MED27: variants seen among roughly 807,000 people sequenced by gnomAD.
The protein encoded by MED27 is mediator of RNA polymerase II transcription subunit 27.
A neutral mutation model predicts 38.2 loss-of-function variants in MED27; 30 were observed. The ratio of observed to expected loss-of-function variants is 0.79; its 90% confidence interval spans 0.59 to 1.07. The LOEUF (loss-of-function observed/expected upper bound fraction) is 1.07. Among genes scored for constraint, MED27 ranks in the 50% least tolerant of loss-of-function variants. The pLI is 0.00. For missense variants in MED27, 289 were observed against 397.5 expected, an observed-to-expected ratio of 0.73 and a Z score of 2.32; for synonymous variants, 122 against 153.5, an observed-to-expected ratio of 0.79 and a Z score of 1.52.
intron 3 of MED27, among the ~76,000 whole-genome samples, chr9:131,973,132 G>T (rs569853131): frequency 6.6e-6 from 1 of 152,304 alleles, no homozygotes; most frequent in Non-Finnish European, 1.5e-5. Flanking sequence ...AAACTTTCTA[G>T]TACACTTTTT....
chr9:132,050,058 A>G (rs939444903), intron 2 of MED27, among the ~76,000 whole-genome samples: 2 of 152,270 alleles, frequency 1.3e-5, no homozygotes, highest in African/African-American at 2.4e-5. Context: ...CCAACTCAAC[A>G]AATATCAGGG....
chr9:132,074,129 G>A (rs925699464), intron 2 of MED27, among the ~76,000 whole-genome samples: 2 of 152,172 alleles, frequency 1.3e-5, no homozygotes, highest in African/African-American at 2.4e-5. Flanking sequence ...AAGAAAGCTT[G>A]TCATCCTTCT....
chr9:132,044,524 C>T (rs1166565504), intron 2 of MED27, among the ~76,000 whole-genome samples: 1 of 152,208 alleles, frequency 6.6e-6, no homozygotes, highest in Admixed American at 6.5e-5. Context: ...AAGGTGAAGA[C>T]GAGGCCGACT....
intron 3 of MED27, among the ~76,000 whole-genome samples, chr9:131,966,199 T>A (rs373446018): frequency 0.029 from 2,759 of 96,334 alleles, 57 homozygotes; most frequent in African/African-American, 0.057. Context: ...CCTGTTTCTT[T>A]AAAAAAAAAA....
intron 5 of MED27, 33 bp from the exon 6 acceptor site, chr9:131,884,132 C>T (rs1183352895): frequency 5.7e-6 from 9 of 1,572,818 alleles, no homozygotes; most frequent in Admixed American, 1.9e-5. Context: ...TCATCAGCAT[C>T]GGTCTTAGAA....
intron 5 of MED27, among the ~76,000 whole-genome samples, chr9:131,893,525 C>T (rs34981423): frequency 0.014 from 2,107 of 152,180 alleles, 46 homozygotes; most frequent in African/African-American, 0.046. Context: ...GAATTTTCCT[C>T]GTGGTTCTAG....
At chr9:132,071,702 C>G (rs527700528) in intron 2 of MED27, among the ~76,000 whole-genome samples, 1 of 151,802 alleles carries the variant, frequency 6.6e-6, no homozygotes, top group African/African-American at 2.4e-5. Context: ...GAGTAACACG[C>G]GTCCATGAAC....
chr9:132,005,189 A>G (rs748610602), intron 3 of MED27, among the ~76,000 whole-genome samples: 6 of 152,228 alleles, frequency 3.9e-5, no homozygotes, highest in Non-Finnish European at 8.8e-5. Flanking sequence ...GACGCCTCAG[A>G]TGAGAAACTC....
Position 131,935,398 on chromosome 9 carries a change from C to T in MED27, c.573+3983G>A, listed in dbSNP as rs144668971. 2.6e-3 allele frequency among the ~76,000 whole-genome samples: 399 copies of T among 152,242 alleles called. 2 individuals are homozygous for T. The highest frequency in any genetic ancestry group is 6.8e-3 in the Middle Eastern group (2 of 294). On this transcript the variant is annotated intron_variant, in intron 4 of 7. Coordinates refer to ENST00000292035, the MANE Select transcript of MED27 (RefSeq NM_004269.4). ...AAATAAAAACTTTCAAAACAAGTAT[C>T]CTGGTATATGCAAGAGAATGCTCAT... is the stretch of plus-strand genomic sequence containing the variant.
intron 5 of MED27, among the ~76,000 whole-genome samples, chr9:131,886,890 T>A (rs1444751185): frequency 6.6e-6 from 1 of 152,220 alleles, no homozygotes; most frequent in Non-Finnish European, 1.5e-5. Context: ...CGTTTAGTTG[T>A]ACCAAAATTA....
intron 2 of MED27, among the ~76,000 whole-genome samples, chr9:132,056,972 G>C (rs1371948184): frequency 1.3e-5 from 2 of 152,202 alleles, no homozygotes; most frequent in African/African-American, 4.8e-5. Context: ...AGCAAAGCCT[G>C]ATAGAGACTC....
intron 3 of MED27, among the ~76,000 whole-genome samples, chr9:131,988,043 A>T (rs931766351): frequency 6.6e-6 from 1 of 152,260 alleles, no homozygotes; most frequent in African/African-American, 2.4e-5. Context: ...TACAGTTTTT[A>T]AAAATGTGAG....
At chr9:131,910,685 C>T (rs1450721834) in intron 4 of MED27, among the ~76,000 whole-genome samples, 2 of 152,310 alleles carry the variant, frequency 1.3e-5, no homozygotes, top group Middle Eastern at 3.4e-3. Flanking sequence ...ATCTAAACAA[C>T]ACCGGCTAAG....
At position 131,945,978 on chromosome 9, in the gene MED27, A is replaced by AAC. The variant is rs1554758904; in HGVS notation, c.480-6505_480-6504insGT. 2.8e-4 allele frequency among the ~76,000 whole-genome samples: 42 copies of AAC among 150,572 alleles called. No homozygotes were observed. In the South Asian group the frequency reaches 6.9e-3, roughly 25 times the overall value. On this transcript the variant is annotated intron_variant, in intron 3 of 7. Transcript: ENST00000292035. ...TCAGACCCTATCTCTTAAAAAAAAA[A>AAC]AAAAAAAAAGCGATCGTGCAATATT...
chr9:132,071,792 C>G (rs1833945868), intron 2 of MED27, among the ~76,000 whole-genome samples: 1 of 150,616 alleles, frequency 6.6e-6, no homozygotes, highest in Non-Finnish European at 1.5e-5. Flanking sequence ...TGAACGAGCA[C>G]ACATGCATAC....
intron 4 of MED27, among the ~76,000 whole-genome samples, chr9:131,895,166 C>A (rs1829807602): frequency 6.6e-6 from 1 of 152,168 alleles, no homozygotes; most frequent in African/African-American, 2.4e-5. Context: ...GTTATAGCAA[C>A]AATAAACAAT....
chr9:131,937,889 G>A (rs930509005), intron 4 of MED27, among the ~76,000 whole-genome samples: 1 of 151,206 alleles, frequency 6.6e-6, no homozygotes. Context: ...GCAATGGCGC[G>A]ATCTCAGCTC....
chr9:132,035,055 A>T (rs1833045397), intron 2 of MED27, among the ~76,000 whole-genome samples: 1 of 152,206 alleles, frequency 6.6e-6, no homozygotes, highest in South Asian at 2.1e-4. Flanking sequence ...AAACGGTAAC[A>T]ATAGCCTCCA....
intron 4 of MED27, among the ~76,000 whole-genome samples, chr9:131,908,020 G>A (rs534949875): frequency 7.3e-5 from 11 of 151,510 alleles, no homozygotes; most frequent in Non-Finnish European, 1.0e-4. Context: ...CCCTCCGCCC[G>A]GCAGCCGCCC....
Sources: gnomAD v4.1 joint callset for allele counts (sites outside exome capture counted in the v4.1 genomes callset) on GRCh38, gnomAD v4.1.1 for gene constraint, MANE v1.5 for transcripts, NCBI Gene and HGNC (gene_info 2026-07-23, HGNC 2026-07-21) for gene names.